Variants in ACVR1B observed in about 807,000 individuals in gnomAD.
The protein encoded by ACVR1B is activin A receptor type 1B.
Under a neutral mutation model 55.6 loss-of-function variants are expected in ACVR1B, and 15 were observed. The observed-to-expected ratio is 0.27, with a 90% CI of 0.18 to 0.42. The LOEUF (loss-of-function observed/expected upper bound fraction) is 0.42, where lower values mean the gene tolerates loss of function less well. Among genes scored for constraint, ACVR1B ranks in the 10% least tolerant of loss-of-function variants. The pLI, the probability that ACVR1B is intolerant of heterozygous loss-of-function variation, is 1.00. For synonymous variants in ACVR1B, 247 were observed against 254.6 expected (o/e 0.97, Z 0.28); for missense variants, 359 against 670.1 (o/e 0.54, Z 5.13).
At chr12:51,975,234 A>T (rs1941825177) in intron 1 of ACVR1B, 31 bp from the exon 2 acceptor site, 1 of 1,595,792 alleles carries the variant, frequency 6.3e-7, no homozygotes, top group Non-Finnish European at 8.5e-7. Context: ...CTCACCATTG[A>T]TGTCAATGTC....
chr12:51,975,873 G>A (rs1027748785), intron 2 of ACVR1B, among the ~76,000 whole-genome samples: 1 of 152,230 alleles, frequency 6.6e-6, no homozygotes, highest in Non-Finnish European at 1.5e-5. Context: ...ATGGTTAGAT[G>A]TGAGGAGGGA....
At chr12:51,951,943 T>G in intron 1 of ACVR1B, 109 bp downstream of exon 1, 1 of 576,258 alleles carries the variant, frequency 1.7e-6, no homozygotes, top group Non-Finnish European at 2.5e-6. Context: ...ACGAGCACAA[T>G]ATGGCCGGGT....
rs2120599294 is a variant in ACVR1B, at chr12:51,975,372, C to T, written c.199C>T (p.Arg67Cys). Residue 67 changes from arginine to cysteine, a missense_variant, in exon 2 of 9, where the codon CGC becomes TGC. By Grantham distance (180) the Arg-to-Cys change is radical. Coordinates refer to ENST00000257963, the MANE Select transcript of ACVR1B (RefSeq NM_004302.5). Reference sequence around the variant, plus strand: ...TCTGGATGGGATGGAGCACCATGTGCGCACCTGCATCCCCAAAGTGGAGCT... The same window carrying T: ...TCTGGATGGGATGGAGCACCATGTGTGCACCTGCATCCCCAAAGTGGAGCT... ...FNLDGMEHHV[R>C]TCIPKVELVP... 2 of 1,614,142 alleles carry T rather than the reference C, an allele frequency of 1.2e-6. No individual in the cohort carries two copies. The highest frequency in any genetic ancestry group is 1.7e-6 in the Non-Finnish European group (2 of 1,180,032).
At chr12:51,979,535 A>G (rs1941938869) in intron 3 of ACVR1B, among the ~76,000 whole-genome samples, 1 of 152,104 alleles carries the variant, frequency 6.6e-6, no homozygotes, top group South Asian at 2.1e-4. Context: ...AGGGCAAAGA[A>G]CATTCCAGGC....
Position 51,966,598 on chromosome 12 carries a change from G to A in ACVR1B, c.92-8667G>A, listed in dbSNP as rs527268848. On this transcript the variant is annotated intron_variant, in intron 1 of 8. Coordinates refer to ENST00000257963, the MANE Select transcript of ACVR1B (RefSeq NM_004302.5). ...TGAAGAGCTGGGACGACAGGCATGT[G>A]CCACCACACCTAGCTGATATGTTTA... Among the ~76,000 whole-genome samples, 8 of 152,250 alleles carry A rather than the reference G, an allele frequency of 5.3e-5. No homozygotes were observed. In the East Asian group the frequency reaches 1.2e-3, roughly 22 times the overall value.
intron 1 of ACVR1B, among the ~76,000 whole-genome samples, chr12:51,957,490 G>A (rs1216208559): frequency 1.3e-5 from 2 of 149,032 alleles, no homozygotes; most frequent in Non-Finnish European, 3.0e-5. Flanking sequence ...ACTGCAGCCT[G>A]AAACTCCTGG....
In ACVR1B at chr12:51,991,864, A is replaced by G. The variant is rs922311092; in HGVS notation, c.1263A>G (p.Gly421=). The G allele has an allele frequency of 1.9e-6, 3 of 1,612,296 alleles. No homozygotes were observed. Among genetic ancestry groups the G allele is most frequent in the South Asian group, 2.2e-5 (2 of 90,754 alleles). ...WEIARRCNSG[G]VHEEYQLPYY... ...GGTAGATACTTTCTTTTCTCCCAGG[A>G]GTCCATGAAGAATATCAGCTGCCAT... The change falls in exon 8 of 9, where the codon GGA becomes GGG. Residue 421 remains glycine (G), a splice_region_variant and synonymous_variant. Coordinates refer to ENST00000257963, the MANE Select transcript of ACVR1B (RefSeq NM_004302.5).
chr12:51,984,704 G>T (rs866192833), intron 5 of ACVR1B, among the ~76,000 whole-genome samples: 11 of 152,210 alleles, frequency 7.2e-5, no homozygotes, highest in Non-Finnish European at 1.6e-4. Flanking sequence ...ACAATGGCAG[G>T]TGTGATCCCT....
chr12:51,995,013 T>A lies in ACVR1B; in HGVS notation c.*903T>A, dbSNP rs1942274253. 1 of 152,324 alleles carries A rather than the reference T, an allele frequency of 6.6e-6. No homozygotes were observed. Among genetic ancestry groups the A allele is most frequent in the African/African-American group, 2.4e-5 (1 of 41,240 alleles). 9.4% of individuals were successfully genotyped at this position (152,324 alleles called of 1,614,324 possible). On this transcript the variant is annotated 3_prime_UTR_variant, in exon 9 of 9. Transcript: ENST00000257963. Reference sequence around the variant, plus strand: ...GAACCAAAGCTGGCCCAGTTGTCCATGACAAAAGAGGCTTTTGGGCCAAAA... The same window carrying A: ...GAACCAAAGCTGGCCCAGTTGTCCAAGACAAAAGAGGCTTTTGGGCCAAAA...
Position 51,961,006 on chromosome 12 carries a change from G to A in ACVR1B, c.91+9172G>A, listed in dbSNP as rs1205697925. Among the ~76,000 whole-genome samples the A allele has an allele frequency of 3.1e-5, 3 of 96,324 alleles. 1 individual carries two copies. Among genetic ancestry groups the A allele is most frequent in the Non-Finnish European group, 7.3e-5 (3 of 41,320 alleles). The allele number at this position is 96,324 out of a possible 152,430, so 63.2% of individuals were successfully genotyped here. A position where few individuals can be genotyped will look rare whatever the true frequency, so the allele number is the denominator to read the frequency against. ...CCAGTGTAGCTAATATTTTTTCACA[G>A]CCCTTTGCTTTCCCTTTTCCTTTTC... On this transcript the variant is annotated intron_variant, in intron 1 of 8. Transcript: ENST00000257963.
chr12:51,983,360 G>A lies in ACVR1B; in HGVS notation c.812-639G>A, dbSNP rs188214191. ...CCTCTGAAGGATGAGATGCCTTTCTGGGAATACTTGGAAGTGGTCTATTCA... is the reference window on the plus strand; with the variant it reads ...CCTCTGAAGGATGAGATGCCTTTCTAGGAATACTTGGAAGTGGTCTATTCA... On this transcript the variant is annotated intron_variant, in intron 4 of 8. Coordinates refer to ENST00000257963, the MANE Select transcript of ACVR1B (RefSeq NM_004302.5). 3.9e-5 allele frequency among the ~76,000 whole-genome samples: 6 copies of A among 152,260 alleles called. No homozygotes were observed. In the East Asian group the frequency reaches 1.2e-3, roughly 29 times the overall value.
chr12:51,964,470 T>G (rs1303356934), intron 1 of ACVR1B, among the ~76,000 whole-genome samples: 3 of 152,246 alleles, frequency 2.0e-5, no homozygotes, highest in Non-Finnish European at 4.4e-5. Flanking sequence ...TTAATTTTGA[T>G]GAAGTCCAGT....
chr12:51,976,520 A>C lies in ACVR1B; in HGVS notation c.525A>C (p.Lys175Asn). 1 of 1,614,112 alleles carries C rather than the reference A, an allele frequency of 6.2e-7. No homozygotes were observed. Among genetic ancestry groups the C allele is most frequent in the South Asian group, 1.1e-5 (1 of 91,078 alleles). Residue 175 changes from lysine (K) to asparagine (N), a missense_variant, in exon 3 of 9, where the codon AAA becomes AAC. Transcript: ENST00000257963. ...CCTCATGTGAGATGTGTCTCTCCAAAGACAAGACGCTCCAGGATCTTGTCT... is the reference window on the plus strand; with the variant it reads ...CCTCATGTGAGATGTGTCTCTCCAACGACAAGACGCTCCAGGATCTTGTCT... Reference protein sequence around the residue: ...EDPSCEMCLSKDKTLQDLVYD... With the variant: ...EDPSCEMCLSNDKTLQDLVYD...
rs1592265050 is a variant in ACVR1B at position 51,994,396 on chromosome 12, A to C, written c.*286A>C. ...TGGTTGTAGTGGGAAGTCCCGCGAA[A>C]CCCGGTGCATCTGGCACGTGGCCAG... is the stretch of plus-strand genomic sequence containing the variant. On this transcript the variant is annotated 3_prime_UTR_variant, in exon 9 of 9. Coordinates refer to ENST00000257963, the MANE Select transcript of ACVR1B (RefSeq NM_004302.5). This position sits in a 1 kb window ranked among gnomAD's most constrained non-coding sequence, Gnocchi z 4.2. 2.8e-6 allele frequency: 1 copy of C among 351,082 alleles called. No individual in the cohort carries two copies. The highest frequency in any genetic ancestry group is 5.3e-6 in the Non-Finnish European group (1 of 189,408). The allele number at this position is 351,082 out of a possible 1,614,324, so 21.7% of individuals were successfully genotyped here. A position where few individuals can be genotyped will look rare whatever the true frequency, so the allele number is the denominator to read the frequency against.
intron 4 of ACVR1B, chr12:51,982,829 A>G (rs2120680544): frequency 6.7e-7 from 1 of 1,481,934 alleles, no homozygotes; most frequent in Non-Finnish European, 8.9e-7. Context: ...CCTTTTTAAA[A>G]CTATCACCTT....
intron 3 of ACVR1B, among the ~76,000 whole-genome samples, chr12:51,978,134 T>TAA (rs1429953787): frequency 2.6e-5 from 4 of 152,082 alleles, no homozygotes; most frequent in Non-Finnish European, 5.9e-5. Context: ...TGGATATATT[T>TAA]AAAAGCTGCA....
At chr12:51,983,154 A>C (rs977228645) in intron 4 of ACVR1B, among the ~76,000 whole-genome samples, 1 of 152,256 alleles carries the variant, frequency 6.6e-6, no homozygotes, top group East Asian at 1.9e-4. Context: ...CCCTGGAATC[A>C]GCGCCAGCCT....
intron 1 of ACVR1B, among the ~76,000 whole-genome samples, chr12:51,968,508 A>G (rs555280903): frequency 2.0e-5 from 3 of 152,350 alleles, no homozygotes; most frequent in East Asian, 1.9e-4. Flanking sequence ...CCCATCCCAC[A>G]TGTTTTTCTT....
chr12:51,984,845 C>G (rs1565620696), intron 5 of ACVR1B, among the ~76,000 whole-genome samples: 1 of 152,220 alleles, frequency 6.6e-6, no homozygotes, highest in Non-Finnish European at 1.5e-5. Context: ...GCAGCAACTT[C>G]CCTTCAGTCC....
Sources: allele counts gnomAD v4.1 joint callset (sites outside exome capture counted in the v4.1 genomes callset), GRCh38; gene constraint gnomAD v4.1.1; non-coding constraint Gnocchi (gnomAD v3.1); transcripts MANE v1.5; gene names NCBI Gene and HGNC (gene_info 2026-07-23, HGNC 2026-07-21).